Variants in ZNG1B observed in about 807,000 individuals in gnomAD.
The protein encoded by ZNG1B is zinc-regulated GTPase metalloprotein activator 1B.
the ZNG1B span, among the ~76,000 whole-genome samples, chr2:113,453,787 C>G: frequency 1.2e-3 from 174 of 143,364 alleles, 6 homozygotes; most frequent in African/African-American, 4.5e-3. Flanking sequence ...TTTCTGTATC[C>G]TCTGTTGTTT....
the ZNG1B span, among the ~76,000 whole-genome samples, chr2:113,486,760 AAATT>A: frequency 1.4e-4 from 21 of 152,256 alleles, no homozygotes; most frequent in Admixed American, 1.2e-3. Flanking sequence ...CATCTCAAAA[AAATT>A]TATTAAGTTA....
the ZNG1B span, among the ~76,000 whole-genome samples, chr2:113,484,023 G>A: frequency 0.066 from 6,668 of 101,180 alleles, 191 homozygotes; most frequent in East Asian, 0.14. Flanking sequence ...AGTGGATCTG[G>A]GGTGTAAGGG....
the ZNG1B span, among the ~76,000 whole-genome samples, chr2:113,439,776 T>C: frequency 2.4e-4 from 37 of 152,166 alleles, no homozygotes; most frequent in African/African-American, 8.4e-4. Context: ...CCTCTTAGGT[T>C]CTCCATAGCA....
chr2:113,483,933 G>A, the ZNG1B span, among the ~76,000 whole-genome samples: 14 of 152,220 alleles, frequency 9.2e-5, no homozygotes, highest in South Asian at 1.0e-3. Context: ...TCCTGCTTTA[G>A]ATAATATAAA....
chr2:113,442,884 C>G, the ZNG1B span, among the ~76,000 whole-genome samples: 1 of 151,462 alleles, frequency 6.6e-6, no homozygotes, highest in Non-Finnish European at 1.5e-5. Flanking sequence ...TAAAATAATT[C>G]TTATAGATAA....
At chr2:113,460,181 T>C in the ZNG1B span, among the ~76,000 whole-genome samples, 1 of 145,692 alleles carries the variant, frequency 6.9e-6, no homozygotes, top group South Asian at 2.3e-4. Flanking sequence ...GATTGTGGGC[T>C]GGGGTGTAGG....
the ZNG1B span, among the ~76,000 whole-genome samples, chr2:113,488,456 G>A: frequency 6.6e-6 from 1 of 152,060 alleles, no homozygotes; most frequent in African/African-American, 2.4e-5. Flanking sequence ...ACAAAAGAAG[G>A]TTCTTTAACA....
At chr2:113,478,310 C>CT in the ZNG1B span, among the ~76,000 whole-genome samples, 1 of 152,054 alleles carries the variant, frequency 6.6e-6, no homozygotes, top group African/African-American at 2.4e-5. Context: ...ATGGGGCTCT[C>CT]TGTCACTCAG....
the ZNG1B span, among the ~76,000 whole-genome samples, chr2:113,461,334 G>A: frequency 2.0e-5 from 3 of 151,568 alleles, no homozygotes; most frequent in Non-Finnish European, 4.4e-5. Context: ...CACCCGCCTC[G>A]GCCTCCCAAA....
the ZNG1B span, among the ~76,000 whole-genome samples, chr2:113,492,131 C>G: frequency 7.2e-6 from 1 of 139,850 alleles, no homozygotes; most frequent in Non-Finnish European, 1.6e-5. Context: ...AGCAATCCCA[C>G]TACTAGGTAT....
At chr2:113,480,991 AG>A in the ZNG1B span, among the ~76,000 whole-genome samples, 1 of 150,270 alleles carries the variant, frequency 6.7e-6, no homozygotes, top group African/African-American at 2.5e-5. Context: ...CTTATCCACT[AG>A]ATTAGTCTTT....
At chr2:113,471,468 T>C in the ZNG1B span, among the ~76,000 whole-genome samples, 1 of 94,268 alleles carries the variant, frequency 1.1e-5, no homozygotes, top group Non-Finnish European at 2.3e-5. Context: ...TTTCTTGAGT[T>C]TTTTTTTAAT....
chr2:113,478,324 G>A, the ZNG1B span, among the ~76,000 whole-genome samples: 1 of 151,964 alleles, frequency 6.6e-6, no homozygotes, highest in African/African-American at 2.4e-5. Flanking sequence ...CACTCAGGCT[G>A]GAGTGCAGTG....
chr2:113,446,043 T>C, the ZNG1B span, among the ~76,000 whole-genome samples: 8 of 151,832 alleles, frequency 5.3e-5, no homozygotes, highest in African/African-American at 1.9e-4. Context: ...TGGGTTTTCA[T>C]ACCTTTCTGA....
chr2:113,483,269 G>T, the ZNG1B span, among the ~76,000 whole-genome samples: 1 of 150,940 alleles, frequency 6.6e-6, no homozygotes, highest in Non-Finnish European at 1.5e-5. Flanking sequence ...GTTTGGGGCG[G>T]CCAGTGTCTC....
At chr2:113,486,708 A>T in the ZNG1B span, among the ~76,000 whole-genome samples, 1 of 152,240 alleles carries the variant, frequency 6.6e-6, no homozygotes, top group Non-Finnish European at 1.5e-5. Flanking sequence ...GTAAGCCATG[A>T]TTGTGCCACT....
the ZNG1B span, chr2:113,444,876 G>T: frequency 6.4e-7 from 1 of 1,567,184 alleles, no homozygotes; most frequent in Non-Finnish European, 8.7e-7. Context: ...TTTTGTCTTG[G>T]GTTGTTGAAT....
chr2:113,446,482 C>T, the ZNG1B span, among the ~76,000 whole-genome samples: 2 of 152,302 alleles, frequency 1.3e-5, no homozygotes, highest in South Asian at 4.1e-4. Flanking sequence ...CATGGTGGCT[C>T]ATGCCTGTAA....
chr2:113,448,414 A>G, the ZNG1B span, among the ~76,000 whole-genome samples: 1 of 151,178 alleles, frequency 6.6e-6, no homozygotes, highest in Non-Finnish European at 1.5e-5. Context: ...GAGATTTAGC[A>G]TAATTCTTAA....
Sources: gnomAD v4.1 joint callset for allele counts (sites outside exome capture counted in the v4.1 genomes callset) on GRCh38, gnomAD v4.1.1 for gene constraint, MANE v1.5 for transcripts, NCBI Gene and HGNC (gene_info 2026-07-23, HGNC 2026-07-21) for gene names.